The following RAB3A variants were observed in gnomAD, a reference collection of about 807,000 sequenced individuals.
The protein encoded by RAB3A is RAB3A, member RAS oncogene family, also known as ras-related protein Rab-3A.
Under a neutral mutation model 19.7 loss-of-function variants are expected in RAB3A, and 5 were observed. The observed-to-expected ratio is 0.25, with a 90% CI of 0.13 to 0.53. The LOEUF is 0.53. Ranked by LOEUF, RAB3A falls within the 20% of genes least tolerant of loss-of-function variation. The pLI is 0.95. For missense variants in RAB3A, 189 were observed against 305.6 expected, an observed-to-expected ratio of 0.62 and a Z score of 2.85; for synonymous variants, 119 against 122.1, an observed-to-expected ratio of 0.97 and a Z score of 0.17.
At chr19:18,198,651 T>A in intron 4 of RAB3A, 74 bp downstream of exon 4, 1 of 1,583,406 alleles carries the variant, frequency 6.3e-7, no homozygotes, top group Non-Finnish European at 8.6e-7. Flanking sequence ...CTGTAAGACC[T>A]TGGGTGTGTG....
rs1284012339 is a variant in RAB3A at position 18,200,332 on chromosome 19, C to A, written c.342G>T (p.Gln114His). The A allele has an allele frequency of 1.2e-6, 2 of 1,608,934 alleles. No individual in the cohort carries two copies. The highest frequency in any genetic ancestry group is 8.5e-7 in the Non-Finnish European group (1 of 1,176,058). ...AGCAAGTGGGGTACACTCACCAGTC[C>A]TGCACTGCATTGAAGGATTCCTCGT... ...ITNEESFNAV[Q>H]DWSTQIKTYS... The change falls in exon 3 of 5, where the codon CAG becomes CAT. Residue 114 changes from glutamine (Q) to histidine (H), a missense_variant. By Grantham distance (24) the Gln-to-His change is conservative (BLOSUM62 0). Coordinates refer to ENST00000222256, the MANE Select transcript of RAB3A (RefSeq NM_002866.5).
intron 4 of RAB3A, among the ~76,000 whole-genome samples, chr19:18,198,097 C>T (rs1967558221): frequency 6.6e-6 from 1 of 152,008 alleles, no homozygotes; most frequent in Admixed American, 6.6e-5. Flanking sequence ...CCTGGCAAGA[C>T]ATGCCCTGCA....
rs1967624478 is a variant in RAB3A at position 18,202,317 on chromosome 19, G to A, written c.228+196C>T. 1.8e-6 allele frequency: 1 copy of A among 556,790 alleles called. No homozygotes were observed. Among genetic ancestry groups the A allele is most frequent in the Non-Finnish European group, 3.2e-6 (1 of 310,604 alleles). The allele number at this position is 556,790 out of a possible 1,614,324, so 34.5% of individuals were successfully genotyped here. On this transcript the variant is annotated intron_variant, in intron 2 of 4. Coordinates refer to ENST00000222256, the MANE Select transcript of RAB3A (RefSeq NM_002866.5). This position sits in a 1 kb window ranked among gnomAD's most constrained non-coding sequence, Gnocchi z 4.2. ...GGAAGAACTTGAAGATGGGGAAACT[G>A]AGGGACCAGGATTAGGTGCTTATGG... is the stretch of plus-strand genomic sequence containing the variant.
intron 4 of RAB3A, among the ~76,000 whole-genome samples, chr19:18,198,258 G>C (rs117329793): frequency 1.3e-5 from 2 of 151,996 alleles, no homozygotes; most frequent in African/African-American, 4.8e-5. Flanking sequence ...CTCTGTGATC[G>C]GCCACATTTC....
chr19:18,200,266 G>A, intron 3 of RAB3A, 61 bp downstream of exon 3: 1 of 1,413,550 alleles, frequency 7.1e-7, no homozygotes, highest in African/African-American at 1.4e-5. Flanking sequence ...CTGGGTGACA[G>A]AATAAAACCC....
At chr19:18,197,837 A>G (rs1438863280) in intron 4 of RAB3A, among the ~76,000 whole-genome samples, 177 bp from the exon 5 acceptor site, 1 of 94,196 alleles carries the variant, frequency 1.1e-5, no homozygotes, top group Non-Finnish European at 2.7e-5. Flanking sequence ...TCCCACAGAG[A>G]AGCAACATGG....
chr19:18,197,584 G>T lies in RAB3A; in HGVS notation c.549C>A (p.Ile183=). The T allele has an allele frequency of 6.2e-7, 1 of 1,614,100 alleles. No homozygotes were observed. The highest frequency in any genetic ancestry group is 8.5e-7 in the Non-Finnish European group (1 of 1,180,006). ...CCAACGACTCGGACATCTTCTCGCAGATGACATCCACCAGGCGCTCAAAGG... is the reference window on the plus strand; with the variant it reads ...CCAACGACTCGGACATCTTCTCGCATATGACATCCACCAGGCGCTCAAAGG... ...KQTFERLVDV[I]CEKMSESLDT... Residue 183 remains isoleucine, a synonymous_variant, in exon 5 of 5, where the codon ATC becomes ATA. Coordinates refer to ENST00000222256, the MANE Select transcript of RAB3A (RefSeq NM_002866.5).
chr19:18,202,183 T>C lies in RAB3A; in HGVS notation c.228+330A>G, dbSNP rs1254855985. The stretch of plus-strand genomic sequence containing the variant: ...GGGAAGTCGAGGCTGCAGAGAGCCG[T>C]GATCACGTAACTGCATTCCAGCCTA... On this transcript the variant is annotated intron_variant, in intron 2 of 4. Transcript: ENST00000222256. This position sits in a 1 kb window ranked among gnomAD's most constrained non-coding sequence, Gnocchi z 4.2. Among the ~76,000 whole-genome samples, 1 of 152,096 alleles carries C rather than the reference T, an allele frequency of 6.6e-6. No homozygotes were observed. The highest frequency in any genetic ancestry group is 2.4e-5 in the African/African-American group (1 of 41,410).
intron 1 of RAB3A, among the ~76,000 whole-genome samples, 151 bp downstream of exon 1, chr19:18,203,745 G>A (rs1457836031): frequency 6.6e-6 from 1 of 152,158 alleles, no homozygotes; most frequent in East Asian, 1.9e-4. Context: ...GGGGCGCCCG[G>A]GCCCTACCCA....
At position 18,196,905 on chromosome 19, in the gene RAB3A, CGGGGGGGGGGG is replaced by C. The variant is rs1168626420; in HGVS notation, c.*554_*564del. ...ATGAGGTCAGAACAGGTCTGGTGGG[CGGGGGGGGGGG>C]GGGTCCCAGGGTGGTGAATACCCAC... On this transcript the variant is annotated 3_prime_UTR_variant, in exon 5 of 5. Transcript: ENST00000222256. 1 of 19,446 alleles carries C rather than the reference CGGGGGGGGGGG, an allele frequency of 5.1e-5. No homozygotes were observed. Among genetic ancestry groups the C allele is most frequent in the Non-Finnish European group, 8.9e-5 (1 of 11,220 alleles). The allele number at this position is 19,446 out of a possible 1,614,324, so 1.2% of individuals were successfully genotyped here. A position where few individuals can be genotyped will look rare whatever the true frequency, so the allele number is the denominator to read the frequency against.
Position 18,197,262 on chromosome 19 carries a change from G to T in RAB3A, c.*208C>A. On this transcript the variant is annotated 3_prime_UTR_variant, in exon 5 of 5. Coordinates refer to ENST00000222256, the MANE Select transcript of RAB3A (RefSeq NM_002866.5). ...TGGGGAAAGGGCTATATGTACAGGAGGGGCAGGGCTTGGGGCGGGCAGGGG... is the reference window on the plus strand; with the variant it reads ...TGGGGAAAGGGCTATATGTACAGGATGGGCAGGGCTTGGGGCGGGCAGGGG... The T allele has an allele frequency of 1.7e-6, 1 of 571,964 alleles. No individual in the cohort carries two copies. The highest frequency in any genetic ancestry group is 3.1e-6 in the Non-Finnish European group (1 of 327,532). The allele number at this position is 571,964 out of a possible 1,614,324, so 35.4% of individuals were successfully genotyped here. A position where few individuals can be genotyped will look rare whatever the true frequency, so the allele number is the denominator to read the frequency against.
rs758540760 is a variant in RAB3A, at chr19:18,197,111, G to A, written c.*359C>T. The A allele has an allele frequency of 4.8e-5, 12 of 247,870 alleles. No homozygotes were observed. Among genetic ancestry groups the A allele is most frequent in the Non-Finnish European group, 9.3e-5 (12 of 129,686 alleles). 15.4% of individuals were successfully genotyped at this position (247,870 alleles called of 1,614,324 possible). On this transcript the variant is annotated 3_prime_UTR_variant, in exon 5 of 5. Transcript: ENST00000222256. ...CCATTGCCCGATCAGCCTGCTTTAGGGTGTCATCTGGCCCCTCTTCACAAC... is the reference window on the plus strand; with the variant it reads ...CCATTGCCCGATCAGCCTGCTTTAGAGTGTCATCTGGCCCCTCTTCACAAC...
rs865819973 is a variant in RAB3A, at chr19:18,202,808, C to T, written c.1-68G>A. 1 of 1,304,006 alleles carries T rather than the reference C, an allele frequency of 7.7e-7. No individual in the cohort carries two copies. Among genetic ancestry groups the T allele is most frequent in the Non-Finnish European group, 1.1e-6 (1 of 911,844 alleles). The allele number at this position is 1,304,006 out of a possible 1,614,324, so 80.8% of individuals were successfully genotyped here. A position where few individuals can be genotyped will look rare whatever the true frequency, so the allele number is the denominator to read the frequency against. On this transcript the variant is annotated intron_variant, in intron 1 of 4. Transcript: ENST00000222256. This position sits in a 1 kb window ranked among gnomAD's most constrained non-coding sequence, Gnocchi z 4.2. The stretch of plus-strand genomic sequence containing the variant: ...CCATCCTCATGTGCCCAAGCCCAGG[C>T]AGAAGATGGCAAGGGCTCCAGAAAA...
At chr19:18,201,436 A>T (rs80137797) in intron 2 of RAB3A, among the ~76,000 whole-genome samples, 3 of 151,176 alleles carry the variant, frequency 2.0e-5, no homozygotes, top group Admixed American at 1.3e-4. Flanking sequence ...ACAAAAAAAA[A>T]TTAGCTGGGC....
At chr19:18,200,540 G>T in intron 2 of RAB3A, 95 bp from the exon 3 acceptor site, 2 of 1,082,090 alleles carry the variant, frequency 1.8e-6, no homozygotes, top group Non-Finnish European at 1.3e-6. Context: ...CCCCCTGGGA[G>T]AAGCAGGAGC....
At chr19:18,197,689 C>A (rs1967550235) in intron 4 of RAB3A, 29 bp from the exon 5 acceptor site, 2 of 1,578,716 alleles carry the variant, frequency 1.3e-6, no homozygotes, top group South Asian at 1.1e-5. Flanking sequence ...GGGATGAGGA[C>A]CCTGGCCACG....
At chr19:18,198,175 C>T (rs1967560231) in intron 4 of RAB3A, among the ~76,000 whole-genome samples, 2 of 152,128 alleles carry the variant, frequency 1.3e-5, no homozygotes. Context: ...GTGACCTCCC[C>T]CTGCTCACAC....
chr19:18,200,474 G>A (rs758373185), intron 2 of RAB3A, 29 bp from the exon 3 acceptor site: 12 of 1,558,160 alleles, frequency 7.7e-6, no homozygotes, highest in African/African-American at 1.4e-5. Flanking sequence ...AGGTCAGAGA[G>A]GACCTGCACA....
chr19:18,202,600 G>C lies in RAB3A; in HGVS notation c.141C>G (p.Phe47Leu). 3 of 1,614,208 alleles carry C rather than the reference G, an allele frequency of 1.9e-6. No homozygotes were observed. Among genetic ancestry groups the C allele is most frequent in the Non-Finnish European group, 2.5e-6 (3 of 1,180,044 alleles). The change falls in exon 2 of 5, where the codon TTC becomes TTG. Residue 47 changes from phenylalanine to leucine, a missense_variant. Physicochemically the swap from Phe to Leu is conservative, Grantham distance 22 (BLOSUM62 0). Coordinates refer to ENST00000222256, the MANE Select transcript of RAB3A (RefSeq NM_002866.5). The surrounding 1 kb of genome is among the most constrained non-coding windows in gnomAD (Gnocchi z 4.2). ...CCACGGTGCTGACGAAGGCAGGCGT[G>C]AACGAGTCGTCAGCATAGCGGAAGA... Reference protein sequence around the residue: ...SFLFRYADDSFTPAFVSTVGI... With the variant: ...SFLFRYADDSLTPAFVSTVGI...
Sources: gnomAD v4.1 joint callset for allele counts (sites outside exome capture counted in the v4.1 genomes callset) on GRCh38, gnomAD v4.1.1 for gene constraint, Gnocchi (gnomAD v3.1) non-coding constraint, MANE v1.5 for transcripts, NCBI Gene and HGNC (gene_info 2026-07-23, HGNC 2026-07-21) for gene names.